XRCC3: variants seen among roughly 807,000 people sequenced by gnomAD.
XRCC3 encodes the protein DNA repair protein XRCC3.
Under a neutral mutation model 29.2 loss-of-function variants are expected in XRCC3, and 34 were observed. That is an observed-to-expected ratio of 1.16 (90% CI 0.88 to 1.55). The LOEUF (loss-of-function observed/expected upper bound fraction) is 1.55, where lower values mean the gene tolerates loss of function less well. Ranked by LOEUF, XRCC3 falls within the 40% of genes most tolerant of loss-of-function variation. The pLI is 0.00. For missense variants in XRCC3, 463 were observed against 467.6 expected, an observed-to-expected ratio of 0.99 and a Z score of 0.09; for synonymous variants, 223 against 211.3, an observed-to-expected ratio of 1.06 and a Z score of -0.48.
chr14:103,710,759 A>C, intron 4 of XRCC3: 1 of 435,056 alleles, frequency 2.3e-6, no homozygotes, highest in Non-Finnish European at 4.2e-6. Context: ...AAAAAACTAA[A>C]AGACTTTATG....
intron 7 of XRCC3, chr14:103,700,503 G>C: frequency 1.7e-6 from 1 of 581,852 alleles, no homozygotes; most frequent in South Asian, 2.2e-5. Context: ...CTTGCCAGCA[G>C]CTCTGGCCAG....
At position 103,707,132 on chromosome 14, in the gene XRCC3, G is replaced by T; in HGVS notation, c.277C>A (p.Leu93Ile). The stretch of plus-strand genomic sequence containing the variant: ...CCGTCCAGGGGCAGGCCACCGCGGA[G>T]CAGCGCGTCCAGCACCGGGCAGCCC... ...SLGCPVLDAL[L>I]RGGLPLDGIT... The change falls in exon 6 of 10, where the codon CTC becomes ATC. Residue 93 changes from leucine (L) to isoleucine (I), a missense_variant. Physicochemically the swap from Leu to Ile is conservative, Grantham distance 5 (BLOSUM62 2). Coordinates refer to ENST00000555055, the MANE Select transcript of XRCC3 (RefSeq NM_005432.4). The T allele has an allele frequency of 3.2e-6, 5 of 1,549,802 alleles. No individual in the cohort carries two copies. Among genetic ancestry groups the T allele is most frequent in the Non-Finnish European group, 4.4e-6 (5 of 1,146,878 alleles).
intron 6 of XRCC3, chr14:103,703,598 T>G (rs559937797): frequency 5.1e-5 from 25 of 490,266 alleles, no homozygotes; most frequent in African/African-American, 4.3e-4. Context: ...GGCCCTGGGC[T>G]GGAATGGCCA....
chr14:103,714,588 G>A (rs2083742188), intron 1 of XRCC3, among the ~76,000 whole-genome samples: 4 of 152,076 alleles, frequency 2.6e-5, no homozygotes, highest in Admixed American at 2.6e-4. Flanking sequence ...ACTCCACCCC[G>A]GATGACAGAG....
At chr14:103,711,329 T>C (rs1567062561) in intron 3 of XRCC3, 84 bp from the exon 4 acceptor site, 1 of 675,440 alleles carries the variant, frequency 1.5e-6, no homozygotes, top group Non-Finnish European at 2.7e-6. Flanking sequence ...CCTCTAAGAA[T>C]TATTTAGCAG....
chr14:103,699,007 C>T lies in XRCC3; in HGVS notation c.832G>A (p.Glu278Lys), dbSNP rs548084133. Reference protein sequence around the residue: ...AAHGPLGFWDERVSPALGITW... With the variant: ...AAHGPLGFWDKRVSPALGITW... ...ATGCCAAGGGCTGGGGAAACACGTT[C>T]GTCCCAGAACCTGAGAAACAGGAAG... The change falls in exon 10 of 10, where the codon GAA becomes AAA. Residue 278 changes from glutamate to lysine, a missense_variant. Coordinates refer to ENST00000555055, the MANE Select transcript of XRCC3 (RefSeq NM_005432.4). 5.5e-5 allele frequency: 88 copies of T among 1,588,216 alleles called. 1 individual carries two copies. In the South Asian group the frequency reaches 7.4e-4, roughly 13 times the overall value.
intron 6 of XRCC3, 104 bp from the exon 7 acceptor site, chr14:103,703,431 C>CCT: frequency 3.0e-6 from 4 of 1,346,978 alleles, no homozygotes; most frequent in Non-Finnish European, 4.1e-6. Context: ...ACTCTCTGCC[C>CCT]CTCACAGGTT....
chr14:103,700,633 C>T (rs372941257), intron 7 of XRCC3: 2 of 1,598,942 alleles, frequency 1.3e-6, no homozygotes, highest in African/African-American at 1.4e-5. Context: ...CTGAGTGAAA[C>T]TCGTCTGTGC....
At position 103,698,874 on chromosome 14, in the gene XRCC3, TG is replaced by T; in HGVS notation, c.964del (p.His322ThrfsTer47). ...ARTLRVLSAP[H>X]LPPSSCSYTI... Reference sequence around the variant, plus strand: ...GTAGGAACAGGAGGAGGGGGGCAGGTGGGGGGCAGAGAGCACCCGCAGGGTC... The same window carrying T: ...GTAGGAACAGGAGGAGGGGGGCAGGTGGGGGCAGAGAGCACCCGCAGGGTC... On this transcript the variant is annotated frameshift_variant, in exon 10 of 10. Coordinates refer to ENST00000555055, the MANE Select transcript of XRCC3 (RefSeq NM_005432.4). LOFTEE classifies it low-confidence loss of function (END_TRUNC). 1.2e-6 allele frequency: 2 copies of T among 1,605,910 alleles called. No individual in the cohort carries two copies. Among genetic ancestry groups the T allele is most frequent in the South Asian group, 2.2e-5 (2 of 89,758 alleles).
Position 103,707,245 on chromosome 14 carries a change from C to T in XRCC3, c.194-30G>A, listed in dbSNP as rs1268291450. On this transcript the variant is annotated intron_variant, in intron 5 of 9. Coordinates refer to ENST00000555055, the MANE Select transcript of XRCC3 (RefSeq NM_005432.4). Reference sequence around the variant, plus strand: ...AGGGCAGGGATAGTGTCAGGCCTGACTCTCCTGGGCCTGCGGGCAGGGCTG... The same window carrying T: ...AGGGCAGGGATAGTGTCAGGCCTGATTCTCCTGGGCCTGCGGGCAGGGCTG... The T allele has an allele frequency of 1.9e-6, 3 of 1,547,656 alleles. No individual in the cohort carries two copies. The African/African-American group carries it at 4.1e-5, about 21-fold the overall frequency.
At position 103,699,126 on chromosome 14, in the gene XRCC3, C is replaced by T. The variant is rs768365128; in HGVS notation, c.821+7G>A. The T allele has an allele frequency of 1.9e-6, 3 of 1,573,084 alleles. No individual in the cohort carries two copies. Among genetic ancestry groups the T allele is most frequent in the South Asian group, 2.3e-5 (2 of 86,694 alleles). ...CAGAGGTGCACACACCACATGGCTGCACTCACCCCAGCGGCCCGTGTGCTG... is the reference window on the plus strand; with the variant it reads ...CAGAGGTGCACACACCACATGGCTGTACTCACCCCAGCGGCCCGTGTGCTG... On this transcript the variant is annotated splice_region_variant and intron_variant, in intron 9 of 9. Coordinates refer to ENST00000555055, the MANE Select transcript of XRCC3 (RefSeq NM_005432.4).
In XRCC3 at chr14:103,698,576, G is replaced by A. The variant is rs2082775268; in HGVS notation, c.*222C>T. Reference sequence around the variant, plus strand: ...TGGGGACCAGGTACCCAGCAAGCGGGCCTGTCCCCAGACCCAGGGAGAGGC... The same window carrying A: ...TGGGGACCAGGTACCCAGCAAGCGGACCTGTCCCCAGACCCAGGGAGAGGC... On this transcript the variant is annotated 3_prime_UTR_variant, in exon 10 of 10. Coordinates refer to ENST00000555055, the MANE Select transcript of XRCC3 (RefSeq NM_005432.4). 21 of 590,176 alleles carry A rather than the reference G, an allele frequency of 3.6e-5. 1 individual carries two copies. The South Asian group carries it at 4.1e-4, about 12-fold the overall frequency. The allele number at this position is 590,176 out of a possible 1,614,324, so 36.6% of individuals were successfully genotyped here.
At chr14:103,703,030 C>T in intron 7 of XRCC3, 143 bp downstream of exon 7, 1 of 1,305,182 alleles carries the variant, frequency 7.7e-7, no homozygotes, top group African/African-American at 1.5e-5. Flanking sequence ...GGGCGTAAAC[C>T]CCCATGACCC....
intron 4 of XRCC3, chr14:103,710,018 G>A (rs531589861): frequency 6.6e-6 from 1 of 152,506 alleles, no homozygotes; most frequent in African/African-American, 2.4e-5. Flanking sequence ...GCGTGCTGAG[G>A]TTCACGTAGC....
chr14:103,702,332 C>G (rs2083250816), intron 7 of XRCC3: 1 of 152,360 alleles, frequency 6.6e-6, no homozygotes, highest in African/African-American at 2.4e-5. Flanking sequence ...CAGGCCTTGG[C>G]CAGGTGGAGC....
chr14:103,703,349 T>C (rs2151931797), intron 6 of XRCC3, 22 bp from the exon 7 acceptor site: 1 of 1,541,834 alleles, frequency 6.5e-7, no homozygotes, highest in Non-Finnish European at 8.7e-7. Flanking sequence ...GAGTGCCTGA[T>C]GTGCCCAGGG....
intron 7 of XRCC3, 24 bp from the exon 8 acceptor site, chr14:103,699,600 T>C (rs2082940515): frequency 1.9e-6 from 3 of 1,612,136 alleles, no homozygotes; most frequent in Non-Finnish European, 2.5e-6. Flanking sequence ...TGTCATTGTC[T>C]ATGCTGGTCA....
In XRCC3 at chr14:103,698,843, G is replaced by C; in HGVS notation, c.996C>G (p.Ile332Met). The change falls in exon 10 of 10, where the codon ATC becomes ATG. Residue 332 changes from isoleucine (I) to methionine (M), a missense_variant. Transcript: ENST00000555055. ...HLPPSSCSYT[I>M]SAEGVRGTPG... ...GTGTCCCTCGCACCCCTTCGGCACTGATCGTGTAGGAACAGGAGGAGGGGG... is the reference window on the plus strand; with the variant it reads ...GTGTCCCTCGCACCCCTTCGGCACTCATCGTGTAGGAACAGGAGGAGGGGG... 1 of 1,607,322 alleles carries C rather than the reference G, an allele frequency of 6.2e-7. No individual in the cohort carries two copies. Among genetic ancestry groups the C allele is most frequent in the African/African-American group, 1.3e-5 (1 of 74,950 alleles).
chr14:103,700,911 TG>T (rs1026925148), intron 7 of XRCC3, among the ~76,000 whole-genome samples: 1 of 151,788 alleles, frequency 6.6e-6, no homozygotes, highest in Non-Finnish European at 1.5e-5. Context: ...GGCCACAGAG[TG>T]GGGGGGTGGG....
Sources: gnomAD v4.1 joint callset for allele counts (sites outside exome capture counted in the v4.1 genomes callset) on GRCh38, gnomAD v4.1.1 for gene constraint, MANE v1.5 for transcripts, NCBI Gene and HGNC (gene_info 2026-07-23, HGNC 2026-07-21) for gene names.